ZNF536: variants seen among roughly 807,000 people sequenced by gnomAD.
ZNF536 encodes the protein zinc finger protein 536.
In ZNF536, 13 loss-of-function variants were observed where a neutral mutation model predicts 84.5. That is an observed-to-expected ratio of 0.15 (90% CI 0.10 to 0.24). The LOEUF is 0.24. ZNF536 is among the 10% of genes least tolerant of loss of function. The pLI, the probability that ZNF536 is intolerant of heterozygous loss-of-function variation, is 1.00. For missense variants in ZNF536, 1,536 were observed against 1,747.5 expected (o/e 0.88, Z 2.16); for synonymous variants, 811 against 742.5 (o/e 1.09, Z -1.50).
chr19:30,431,029 G>T (rs1163777883), intron 1 of ZNF536, among the ~76,000 whole-genome samples: 1 of 152,188 alleles, frequency 6.6e-6, no homozygotes, highest in Non-Finnish European at 1.5e-5. Context: ...GAACTGGAGG[G>T]TTATCCATTC....
chr19:30,619,302 A>AT (rs1435335923), intron 1 of ZNF536, among the ~76,000 whole-genome samples: 1 of 151,808 alleles, frequency 6.6e-6, no homozygotes, highest in African/African-American at 2.4e-5. Flanking sequence ...TCAGATACTA[A>AT]TTTTTTCTTG....
At chr19:30,644,509 C>CT in intron 1 of ZNF536, among the ~76,000 whole-genome samples, 1 of 152,218 alleles carries the variant, frequency 6.6e-6, no homozygotes, top group African/African-American at 2.4e-5. Flanking sequence ...AATGCTATCC[C>CT]TCCCCCATCC....
chr19:30,639,496 C>A (rs1010231078), intron 1 of ZNF536, among the ~76,000 whole-genome samples: 1 of 152,274 alleles, frequency 6.6e-6, no homozygotes, highest in Admixed American at 6.5e-5. Context: ...GCCACATGGC[C>A]GTCAGCTACC....
At chr19:30,226,288 C>T (rs1283681205), upstream of ZNF536, among the ~76,000 whole-genome samples, 1 of 152,196 alleles carries the variant, frequency 6.6e-6, no homozygotes, top group Admixed American at 6.5e-5. The surrounding 1 kb of genome is among the most constrained non-coding windows in gnomAD (Gnocchi z 4.6). Flanking sequence ...GTGACTTTCC[C>T]CATTTTCTCC....
chr19:30,326,742 AAG>A (rs998704717), intron 2 of ZNF536, among the ~76,000 whole-genome samples: 2 of 147,872 alleles, frequency 1.4e-5, no homozygotes, highest in African/African-American at 5.0e-5. Flanking sequence ...TGGCCCTGGA[AAG>A]ACACGCGATG....
chr19:30,233,774 G>T (rs1465481605), intron 1 of ZNF536, among the ~76,000 whole-genome samples: 1 of 152,194 alleles, frequency 6.6e-6, no homozygotes, highest in Non-Finnish European at 1.5e-5. Flanking sequence ...GGGGTAGGTG[G>T]TGGGTCTAGG....
intron 1 of ZNF536, among the ~76,000 whole-genome samples, chr19:30,230,971 CTTTT>C (rs58301646): frequency 3.2e-4 from 47 of 145,398 alleles, no homozygotes; most frequent in African/African-American, 7.4e-4. Context: ...TATAGATGAA[CTTTT>C]TTTTTTTTTT....
chr19:30,705,463 G>A (rs940075564), intron 1 of ZNF536, among the ~76,000 whole-genome samples: 4 of 152,088 alleles, frequency 2.6e-5, no homozygotes, highest in Non-Finnish European at 5.9e-5. Context: ...TTTGTAATAA[G>A]TTTAGAGAAT....
chr19:30,365,239 C>T (rs886770941), intron 3 of ZNF536, among the ~76,000 whole-genome samples: 1 of 152,182 alleles, frequency 6.6e-6, no homozygotes, highest in Non-Finnish European at 1.5e-5. Context: ...TGTGCTCTCT[C>T]TCTCTCTCTG....
intron 2 of ZNF536, among the ~76,000 whole-genome samples, chr19:30,463,955 G>C (rs2053271382): frequency 1.3e-5 from 2 of 152,178 alleles, no homozygotes. Context: ...ACTTCTCCCT[G>C]GATGATTATT....
intron 1 of ZNF536, among the ~76,000 whole-genome samples, chr19:30,675,241 T>G (rs1645698639): frequency 6.6e-6 from 1 of 152,196 alleles, no homozygotes; most frequent in Non-Finnish European, 1.5e-5. Context: ...TAGCAACCAC[T>G]CGTCTCTGTT....
At chr19:30,264,966 T>TGTGTGTGTGTGGGAGAGA (rs59889852) in intron 1 of ZNF536, among the ~76,000 whole-genome samples, 1 of 133,776 alleles carries the variant, frequency 7.5e-6, no homozygotes. Flanking sequence ...TGTGTGTGTG[T>TGTGTGTGTGTGGGAGAGA]GAGAGAGAGA....
chr19:30,606,135 C>T lies in ZNF536; in HGVS notation c.169+56621C>T, dbSNP rs997190593. 2.2e-5 allele frequency among the ~76,000 whole-genome samples: 3 copies of T among 138,694 alleles called. No individual in the cohort carries two copies. In the Admixed American group the frequency reaches 2.2e-4, roughly 10 times the overall value. The allele number at this position is 138,694 out of a possible 152,430, so 91.0% of individuals were successfully genotyped here. A position where few individuals can be genotyped will look rare whatever the true frequency, so the allele number is the denominator to read the frequency against. On this transcript the variant is annotated intron_variant, in intron 1 of 1. Transcript: ENST00000592773. ...TGCCACTGCACTCCAGGCTGGGTGACAAAGTGAGACCTCATCTCTAAAAAT... is the reference window on the plus strand; with the variant it reads ...TGCCACTGCACTCCAGGCTGGGTGATAAAGTGAGACCTCATCTCTAAAAAT...
intron 2 of ZNF536, among the ~76,000 whole-genome samples, chr19:30,481,558 C>T (rs750445093): frequency 6.6e-6 from 1 of 152,200 alleles, no homozygotes; most frequent in Non-Finnish European, 1.5e-5. Flanking sequence ...GAATTACAAA[C>T]ATTTATTGAG....
At chr19:30,563,152 G>T (rs147227745) in intron 1 of ZNF536, among the ~76,000 whole-genome samples, 11 of 152,028 alleles carry the variant, frequency 7.2e-5, no homozygotes, top group Admixed American at 5.2e-4. Context: ...CTAAAACCCC[G>T]CTGAGTGGCT....
At chr19:30,238,276 C>A (rs2023683723) in intron 1 of ZNF536, among the ~76,000 whole-genome samples, 1 of 151,962 alleles carries the variant, frequency 6.6e-6, no homozygotes, top group Admixed American at 6.6e-5. Context: ...GGTGATGTAC[C>A]TGGGAATCCA....
downstream of ZNF536, among the ~76,000 whole-genome samples, chr19:30,559,132 G>C (rs573712816): frequency 6.6e-6 from 1 of 152,214 alleles, no homozygotes; most frequent in Non-Finnish European, 1.5e-5. Context: ...CGGAGTCTGA[G>C]AAGACACGAT....
chr19:30,402,621 C>G (rs1034086227), intron 1 of ZNF536, among the ~76,000 whole-genome samples: 1 of 151,682 alleles, frequency 6.6e-6, no homozygotes, highest in Non-Finnish European at 1.5e-5. Context: ...CCCTGTACGG[C>G]TCGACAGGCT....
At chr19:30,654,955 G>A (rs576888524) in intron 1 of ZNF536, among the ~76,000 whole-genome samples, 1 of 152,236 alleles carries the variant, frequency 6.6e-6, no homozygotes, top group Non-Finnish European at 1.5e-5. Context: ...GTTAAAGGCA[G>A]GATCTTCTGC....
Sources: allele counts gnomAD v4.1 joint callset (sites outside exome capture counted in the v4.1 genomes callset), GRCh38; gene constraint gnomAD v4.1.1; non-coding constraint Gnocchi (gnomAD v3.1); transcripts MANE v1.5; gene names NCBI Gene and HGNC (gene_info 2026-07-23, HGNC 2026-07-21).